NAV1: variants seen among roughly 807,000 people sequenced by gnomAD.
NAV1 encodes the protein pore membrane and/or filament interacting like protein 3.
A neutral mutation model predicts 175.2 loss-of-function variants in NAV1; 18 were observed. That is an observed-to-expected ratio of 0.10 (90% confidence interval 0.07 to 0.15). NAV1 has a LOEUF of 0.15. Ranked by LOEUF, NAV1 falls within the 10% of genes least tolerant of loss-of-function variation. The probability of loss-of-function intolerance (pLI) is 1.00; values close to 1 mark genes in which losing one functional copy is unlikely to be tolerated. For missense variants in NAV1, 1,731 were observed against 2,436.6 expected, an observed-to-expected ratio of 0.71 and a Z score of 6.10; for synonymous variants, 897 against 978.7, an observed-to-expected ratio of 0.92 and a Z score of 1.56.
chr1:201,799,000 C>G (rs972016382), intron 15 of NAV1, among the ~76,000 whole-genome samples: 6 of 151,838 alleles, frequency 4.0e-5, no homozygotes, highest in Non-Finnish European at 8.8e-5. Context: ...CCGTGTCCAG[C>G]CACTGTTCAT....
At position 201,542,814 on chromosome 1, in the gene NAV1, T is replaced by TA. The variant is rs569077835; in HGVS notation, c.-144+3473dup. The stretch of plus-strand genomic sequence containing the variant: ...TGCATGTGCCTCTGCCAAGGACCGT[T>TA]ACTAACAAGATGATTCCACTTCAAA... On this transcript the variant is annotated intron_variant, in intron 1 of 33. Transcript: ENST00000685211. Among the ~76,000 whole-genome samples the TA allele has an allele frequency of 1.8e-4, 28 of 152,368 alleles. No individual in the cohort carries two copies. The South Asian group carries it at 5.6e-3, about 30-fold the overall frequency.
intron 1 of NAV1, 99 bp downstream of exon 5, chr1:201,649,524 C>T (rs1236925884): frequency 2.1e-6 from 3 of 1,430,542 alleles, no homozygotes; most frequent in Non-Finnish European, 2.7e-6. Context: ...CTTGCGCCTT[C>T]CCGGAGGGCC....
intron 2 of NAV1, among the ~76,000 whole-genome samples, chr1:201,604,637 G>A (rs966727239): frequency 1.3e-5 from 2 of 149,096 alleles, no homozygotes; most frequent in Non-Finnish European, 3.0e-5. Flanking sequence ...AGCCGAGATC[G>A]TGCCACTGCA....
Position 201,821,859 on chromosome 1 carries a change from G to T in NAV1, c.*1927G>T, listed in dbSNP as rs553262868. 3.3e-5 allele frequency: 5 copies of T among 152,258 alleles called. No homozygotes were observed. In the Middle Eastern group the frequency reaches 0.017, roughly 518 times the overall value. 9.4% of individuals were successfully genotyped at this position (152,258 alleles called of 1,614,324 possible). A position where few individuals can be genotyped will look rare whatever the true frequency, so the allele number is the denominator to read the frequency against. ...GCTGCCTAGTAGGCTGAAGCTTCAG[G>T]ACTCTGCAGGTCAAGGATATGTGAT... On this transcript the variant is annotated 3_prime_UTR_variant, in exon 30 of 30. Transcript: ENST00000367296.
chr1:201,665,590 A>ACCCCCCC (rs3053790), intron 1 of NAV1, among the ~76,000 whole-genome samples: 1 of 128,532 alleles, frequency 7.8e-6, no homozygotes, highest in African/African-American at 3.0e-5. Context: ...AGAGCACCCC[A>ACCCCCCC]CCCCCCCCAC....
chr1:201,602,258 A>G (rs1667539097), intron 2 of NAV1, among the ~76,000 whole-genome samples: 2 of 152,226 alleles, frequency 1.3e-5, no homozygotes, highest in Admixed American at 1.3e-4. Context: ...GGCAGGAGAA[A>G]AAGAATTGGA....
At chr1:201,669,246 C>T (rs749921921) in intron 1 of NAV1, among the ~76,000 whole-genome samples, 2 of 152,214 alleles carry the variant, frequency 1.3e-5, no homozygotes, top group Non-Finnish European at 2.9e-5. Context: ...CCTCAACTCA[C>T]ATTGGGTACA....
intron 1 of NAV1, among the ~76,000 whole-genome samples, chr1:201,628,722 C>T (rs1404276838): frequency 6.6e-6 from 1 of 152,142 alleles, no homozygotes; most frequent in Non-Finnish European, 1.5e-5. Context: ...AATGAAAGCT[C>T]CCACAGCCTT....
intron 2 of NAV1, among the ~76,000 whole-genome samples, chr1:201,603,252 G>A (rs545382912): frequency 1.3e-5 from 2 of 152,304 alleles, no homozygotes; most frequent in Admixed American, 1.3e-4. Context: ...GAGGCATCCA[G>A]TATTTTGCCA....
At chr1:201,799,764 A>AC (rs1677725548) in intron 15 of NAV1, among the ~76,000 whole-genome samples, 1 of 151,856 alleles carries the variant, frequency 6.6e-6, no homozygotes, top group Non-Finnish European at 1.5e-5. Context: ...GGAGGCTGAG[A>AC]CAGGAGAATT....
chr1:201,618,608 C>A (rs530902182), upstream of NAV1, among the ~76,000 whole-genome samples: 3 of 151,974 alleles, frequency 2.0e-5, no homozygotes, highest in African/African-American at 7.3e-5. Flanking sequence ...ATGCTCTCGG[C>A]GGGTGTGGCC....
chr1:201,801,013 G>A (rs1677833059), intron 15 of NAV1, among the ~76,000 whole-genome samples: 1 of 151,982 alleles, frequency 6.6e-6, no homozygotes, highest in Non-Finnish European at 1.5e-5. Flanking sequence ...ATTATTTGTA[G>A]AGATGGGGTT....
At position 201,708,683 on chromosome 1, in the gene NAV1, A is replaced by G. The variant is rs187751585; in HGVS notation, c.758-4134A>G. Among the ~76,000 whole-genome samples the G allele has an allele frequency of 3.8e-3, 578 of 152,238 alleles. 5 individuals carry two copies. Among genetic ancestry groups the G allele is most frequent in the Non-Finnish European group, 6.7e-3 (457 of 68,004 alleles). The stretch of plus-strand genomic sequence containing the variant: ...TGCCACGTAAGATGGGAGTATTCTG[A>G]GCACGTCCTCCACTTAGGGGTATTG... On this transcript the variant is annotated intron_variant, in intron 1 of 29. Coordinates refer to ENST00000367296, the Ensembl canonical transcript of NAV1.
intron 2 of NAV1, among the ~76,000 whole-genome samples, chr1:201,601,880 C>T (rs980312377): frequency 6.6e-6 from 1 of 152,130 alleles, no homozygotes; most frequent in Non-Finnish European, 1.5e-5. Flanking sequence ...GCCCAGCATC[C>T]CTTTCTACTC....
At chr1:201,612,788 A>G (rs970823791) in intron 2 of NAV1, among the ~76,000 whole-genome samples, 2 of 152,106 alleles carry the variant, frequency 1.3e-5, no homozygotes, top group Non-Finnish European at 2.9e-5. Flanking sequence ...GGCAGTGTGT[A>G]TCTTGTGTCT....
intron 3 of NAV1, among the ~76,000 whole-genome samples, chr1:201,766,060 G>A (rs1675192745): frequency 6.6e-6 from 1 of 151,982 alleles, no homozygotes; most frequent in Admixed American, 6.6e-5. Flanking sequence ...ATATATCAAG[G>A]GGCCAAATAA....
At chr1:201,618,151 C>T (rs1668056598), upstream of NAV1, among the ~76,000 whole-genome samples, 1 of 152,164 alleles carries the variant, frequency 6.6e-6, no homozygotes, top group South Asian at 2.1e-4. Context: ...CCCCAGCCAC[C>T]CCACCCCTGC....
intron 2 of NAV1, among the ~76,000 whole-genome samples, chr1:201,600,323 C>A (rs1239283259): frequency 1.3e-5 from 2 of 152,242 alleles, no homozygotes; most frequent in Non-Finnish European, 2.9e-5. Flanking sequence ...CTATCCTGCT[C>A]TGAACCAAAA....
chr1:201,728,440 A>C (rs1672702320), intron 3 of NAV1, among the ~76,000 whole-genome samples: 1 of 152,064 alleles, frequency 6.6e-6, no homozygotes, highest in Admixed American at 6.5e-5. Flanking sequence ...AAAAATACAA[A>C]AAAATTAGCC....
Sources: gnomAD v4.1 joint callset for allele counts (sites outside exome capture counted in the v4.1 genomes callset) on GRCh38, gnomAD v4.1.1 for gene constraint, MANE v1.5 for transcripts, NCBI Gene and HGNC (gene_info 2026-07-23, HGNC 2026-07-21) for gene names.